Variants in BMP2K observed in about 807,000 individuals in gnomAD.
The protein encoded by BMP2K is BMP-2-inducible protein kinase.
In BMP2K, 74 loss-of-function variants were observed where a neutral mutation model predicts 116.0. The ratio of observed to expected loss-of-function variants is 0.64; its 90% CI spans 0.53 to 0.77. The LOEUF is 0.77. Among genes scored for constraint, BMP2K ranks in the 30% least tolerant of loss-of-function variants. The probability of loss-of-function intolerance (pLI) is 0.00; values close to 1 mark genes in which losing one functional copy is unlikely to be tolerated. For missense variants in BMP2K, 1,365 were observed against 1,403.6 expected (o/e 0.97, Z 0.44); for synonymous variants, 486 against 502.5 (o/e 0.97, Z 0.44).
intron 4 of BMP2K, 56 bp from the exon 5 acceptor site, chr4:78,844,872 A>G (rs1197733123): frequency 1.4e-6 from 2 of 1,473,370 alleles, no homozygotes; most frequent in African/African-American, 2.8e-5. Flanking sequence ...CAAAGATTGT[A>G]AAAAGTTAAT....
chr4:78,856,773 A>G (rs922876758), intron 7 of BMP2K, among the ~76,000 whole-genome samples: 2 of 152,140 alleles, frequency 1.3e-5, no homozygotes, highest in African/African-American at 4.8e-5. Context: ...CCTCAAATTT[A>G]TTAACATCCA....
At chr4:78,905,236 T>G (rs763107048) in intron 15 of BMP2K, among the ~76,000 whole-genome samples, 1 of 151,924 alleles carries the variant, frequency 6.6e-6, no homozygotes, top group Non-Finnish European at 1.5e-5. Flanking sequence ...AATCACTGCA[T>G]AATTAGTAAA....
At position 78,901,529 on chromosome 4, in the gene BMP2K, G is replaced by GAA. The variant is rs535945192; in HGVS notation, c.2063-9081_2063-9080insAA. ...CCACTACCAGTATCTGTTTAAGATG[G>GAA]TGCCATTCCTATTTTCACTAAAGGA... On this transcript the variant is annotated intron_variant, in intron 15 of 15. Transcript: ENST00000502613. Among the ~76,000 whole-genome samples the GAA allele has an allele frequency of 1.1e-3, 163 of 152,232 alleles. 1 individual carries two copies. The highest frequency in any genetic ancestry group is 2.2e-3 in the Admixed American group (34 of 15,284).
chr4:78,897,813 A>G (rs993715105), intron 15 of BMP2K, among the ~76,000 whole-genome samples: 1 of 152,214 alleles, frequency 6.6e-6, no homozygotes, highest in Non-Finnish European at 1.5e-5. Flanking sequence ...TACTGGATAG[A>G]GTTTTATCTG....
At chr4:78,777,814 GAAAAAACCTGAAGATTTTTGTATAA>G (rs1560494948) in intron 1 of BMP2K, among the ~76,000 whole-genome samples, 1 of 152,116 alleles carries the variant, frequency 6.6e-6, no homozygotes, top group African/African-American at 2.4e-5. Context: ...TAGCACAAGG[GAAAAAACCTGAAGATTTTTGTATAA>G]AATATTTGAA....
At chr4:78,868,801 A>T (rs1428723145) in intron 10 of BMP2K, among the ~76,000 whole-genome samples, 1 of 152,212 alleles carries the variant, frequency 6.6e-6, no homozygotes, top group Non-Finnish European at 1.5e-5. Flanking sequence ...TCTCACATCC[A>T]GGTCATGCTG....
At chr4:78,910,466 C>A in intron 15 of BMP2K, 144 bp from the exon 16 acceptor site, 1 of 698,098 alleles carries the variant, frequency 1.4e-6, no homozygotes, top group Non-Finnish European at 2.3e-6. Flanking sequence ...AGTCTAATGA[C>A]GAAGAATTGA....
intron 2 of BMP2K, among the ~76,000 whole-genome samples, chr4:78,828,114 G>A (rs1729968773): frequency 6.6e-6 from 1 of 152,142 alleles, no homozygotes; most frequent in South Asian, 2.1e-4. Context: ...CTGCCAGCAT[G>A]GCTAGAATAA....
intron 1 of BMP2K, among the ~76,000 whole-genome samples, chr4:78,823,271 A>T (rs1729707638): frequency 1.3e-5 from 2 of 152,028 alleles, no homozygotes; most frequent in African/African-American, 4.8e-5. Flanking sequence ...TAGGGATAAA[A>T]TCACATTGCT....
intron 11 of BMP2K, among the ~76,000 whole-genome samples, chr4:78,871,632 G>C (rs1732360469): frequency 6.6e-6 from 1 of 152,118 alleles, no homozygotes; most frequent in Non-Finnish European, 1.5e-5. Flanking sequence ...CTTAAATTGT[G>C]CTAAAAATGG....
chr4:78,839,085 T>A (rs972282081), intron 3 of BMP2K, among the ~76,000 whole-genome samples: 1 of 152,196 alleles, frequency 6.6e-6, no homozygotes, highest in African/African-American at 2.4e-5. Flanking sequence ...TAAAAAAAAT[T>A]CCAAAACTCA....
intron 11 of BMP2K, among the ~76,000 whole-genome samples, chr4:78,871,303 G>A (rs889779766): frequency 1.3e-4 from 20 of 152,212 alleles, no homozygotes; most frequent in African/African-American, 4.3e-4. Flanking sequence ...GAAACATTTA[G>A]TATTCACAAA....
intron 1 of BMP2K, among the ~76,000 whole-genome samples, chr4:78,790,454 A>G (rs2109932243): frequency 6.6e-6 from 1 of 152,362 alleles, no homozygotes; most frequent in Admixed American, 6.5e-5. Flanking sequence ...ATATCACCTA[A>G]GAGCTAAACT....
At position 78,846,901 on chromosome 4, in the gene BMP2K, G is replaced by A. The variant is rs139701607; in HGVS notation, c.669-287G>A. Among the ~76,000 whole-genome samples, 678 of 151,436 alleles carry A rather than the reference G, an allele frequency of 4.5e-3. 2 individuals carry two copies. Among genetic ancestry groups the A allele is most frequent in the African/African-American group, 0.016 (643 of 41,446 alleles). On this transcript the variant is annotated intron_variant, in intron 5 of 15. Coordinates refer to ENST00000502613, the MANE Select transcript of BMP2K (RefSeq NM_198892.2). ...TCACATAAGAAATTCAAGGAAAACT[G>A]TTTCCAATATATTGTCATTATTTCA...
rs1258267480 is a variant in BMP2K at position 78,852,039 on chromosome 4, G to GTT, written c.883+984_883+985insTT. Reference sequence around the variant, plus strand: ...GAAAAGGGTAAAAATTCCAAAAAAGGTCAAAAATGACCAAAAGAAAAAAGG... The same window carrying GTT: ...GAAAAGGGTAAAAATTCCAAAAAAGGTTTCAAAAATGACCAAAAGAAAAAAGG... On this transcript the variant is annotated intron_variant, in intron 7 of 15. Coordinates refer to ENST00000502613, the MANE Select transcript of BMP2K (RefSeq NM_198892.2). Among the ~76,000 whole-genome samples the GTT allele has an allele frequency of 9.8e-4, 149 of 152,054 alleles. 1 individual carries two copies. The South Asian group carries it at 0.021, about 22-fold the overall frequency.
chr4:78,844,100 A>G (rs544808046), intron 4 of BMP2K, among the ~76,000 whole-genome samples: 67 of 152,004 alleles, frequency 4.4e-4, no homozygotes, highest in African/African-American at 1.5e-3. Context: ...CATTATGGAA[A>G]AAACATGTAA....
intron 2 of BMP2K, among the ~76,000 whole-genome samples, chr4:78,833,321 T>G (rs1159869617): frequency 6.6e-6 from 1 of 152,138 alleles, no homozygotes; most frequent in South Asian, 2.1e-4. Context: ...TTTTGGGAGC[T>G]ATTCCTTTTG....
At chr4:78,904,162 G>T (rs959650806) in intron 15 of BMP2K, among the ~76,000 whole-genome samples, 3 of 151,848 alleles carry the variant, frequency 2.0e-5, no homozygotes, top group Non-Finnish European at 4.4e-5. Flanking sequence ...TCTTTGAAAC[G>T]ATAGGAAGTC....
chr4:78,794,972 T>C (rs1728181827), intron 1 of BMP2K, among the ~76,000 whole-genome samples: 1 of 152,216 alleles, frequency 6.6e-6, no homozygotes, highest in African/African-American at 2.4e-5. Flanking sequence ...GCCTGTTTAG[T>C]TTGAATAGGT....
Sources: gnomAD v4.1 joint callset for allele counts (sites outside exome capture counted in the v4.1 genomes callset) on GRCh38, gnomAD v4.1.1 for gene constraint, MANE v1.5 for transcripts, NCBI Gene and HGNC (gene_info 2026-07-23, HGNC 2026-07-21) for gene names.